The following RABGAP1L variants were observed in gnomAD, a reference collection of about 807,000 sequenced individuals.
RABGAP1L encodes RAB GTPase activating protein 1 like, also known as rab GTPase-activating protein 1-like.
RABGAP1L carries 63 observed loss-of-function variants against 137.7 expected under a neutral mutation model. The ratio of observed to expected loss-of-function variants is 0.46; its 90% CI spans 0.37 to 0.56. The LOEUF is 0.56. RABGAP1L is among the 20% of genes least tolerant of loss of function. The pLI is 0.00. For synonymous variants in RABGAP1L, 431 were observed against 433.7 expected (o/e 0.99, Z 0.08); for missense variants, 1,095 against 1,244.0 (o/e 0.88, Z 1.80).
At chr1:174,408,907 G>A (rs1649588498) in intron 13 of RABGAP1L, among the ~76,000 whole-genome samples, 1 of 152,016 alleles carries the variant, frequency 6.6e-6, no homozygotes, top group South Asian at 2.1e-4. Flanking sequence ...TTTTAATGGT[G>A]TTATTTGTTT....
chr1:174,622,963 T>C lies in RABGAP1L; in HGVS notation c.1711-14412T>C, dbSNP rs549688918. ...TTCTTTGAAGTTTCAGGTGGTACTT[T>C]ATGAAAAGGAATTTCCAAGATCATT... On this transcript the variant is annotated intron_variant, in intron 13 of 25. Coordinates refer to ENST00000681986, the MANE Select transcript of RABGAP1L (RefSeq NM_001366446.1). 2.0e-5 allele frequency among the ~76,000 whole-genome samples: 3 copies of C among 152,334 alleles called. No individual in the cohort carries two copies. In the South Asian group the frequency reaches 6.2e-4, roughly 32 times the overall value.
At chr1:174,318,154 G>A (rs867902841) in intron 11 of RABGAP1L, among the ~76,000 whole-genome samples, 1 of 151,538 alleles carries the variant, frequency 6.6e-6, no homozygotes, top group Non-Finnish European at 1.5e-5. Flanking sequence ...TTCTTTTTCT[G>A]TGTAGATAGT....
At chr1:174,160,790 A>G (rs1322280434) in intron 1 of RABGAP1L, among the ~76,000 whole-genome samples, 1 of 152,176 alleles carries the variant, frequency 6.6e-6, no homozygotes, top group Non-Finnish European at 1.5e-5. Context: ...TTCTTACAGT[A>G]GTGTTTATAT....
chr1:174,990,231 C>A lies in RABGAP1L; in HGVS notation c.*230C>A. The A allele has an allele frequency of 2.2e-6, 1 of 449,170 alleles. No individual in the cohort carries two copies. Among genetic ancestry groups the A allele is most frequent in the Non-Finnish European group, 3.9e-6 (1 of 258,560 alleles). 27.8% of individuals were successfully genotyped at this position (449,170 alleles called of 1,614,324 possible). A position where few individuals can be genotyped will look rare whatever the true frequency, so the allele number is the denominator to read the frequency against. ...GCTTCTGGAAGGCCATGTTCAGATC[C>A]ATCATAGTATTACACATTATTTTGT... is the stretch of plus-strand genomic sequence containing the variant. On this transcript the variant is annotated 3_prime_UTR_variant, in exon 26 of 26. Coordinates refer to ENST00000681986, the MANE Select transcript of RABGAP1L (RefSeq NM_001366446.1).
chr1:174,797,640 GGT>G (rs1360142141), intron 18 of RABGAP1L, among the ~76,000 whole-genome samples: 1 of 126,072 alleles, frequency 7.9e-6, no homozygotes, highest in Non-Finnish European at 1.7e-5. Flanking sequence ...TGTGTGGGGG[GGT>G]GTGTGGGGAG....
intron 13 of RABGAP1L, among the ~76,000 whole-genome samples, chr1:174,528,839 A>G (rs1421117223): frequency 6.6e-6 from 1 of 151,600 alleles, no homozygotes; most frequent in Non-Finnish European, 1.5e-5. Context: ...GGTAATTCAG[A>G]TTTTGGTCAT....
At chr1:174,908,599 A>G (rs1337816779) in intron 19 of RABGAP1L, among the ~76,000 whole-genome samples, 2 of 142,240 alleles carry the variant, frequency 1.4e-5, no homozygotes, top group Non-Finnish European at 3.0e-5. Context: ...CTGGAGTACA[A>G]TGGTGCGATC....
intron 11 of RABGAP1L, among the ~76,000 whole-genome samples, chr1:174,362,875 G>C (rs114149648): frequency 0.017 from 2,603 of 152,160 alleles, 66 homozygotes; most frequent in African/African-American, 0.06. Context: ...CCGATGTCTC[G>C]AATGGTATTG....
chr1:174,808,089 T>C (rs866789814), intron 18 of RABGAP1L, among the ~76,000 whole-genome samples: 8 of 151,300 alleles, frequency 5.3e-5, no homozygotes, highest in African/African-American at 1.7e-4. Context: ...GTTCATGCCA[T>C]TCTCCTGCCT....
At chr1:174,339,175 G>A (rs936798481) in intron 11 of RABGAP1L, among the ~76,000 whole-genome samples, 19 of 151,958 alleles carry the variant, frequency 1.3e-4, no homozygotes, top group African/African-American at 2.7e-4. Flanking sequence ...AAGTTTTAGC[G>A]TATTTCTAGT....
intron 13 of RABGAP1L, among the ~76,000 whole-genome samples, chr1:174,557,849 A>G (rs1054964264): frequency 6.6e-6 from 1 of 152,248 alleles, no homozygotes; most frequent in Non-Finnish European, 1.5e-5. Context: ...TTGATTGAGA[A>G]AGATGATGCG....
At chr1:174,744,984 T>A (rs1008366676) in intron 17 of RABGAP1L, among the ~76,000 whole-genome samples, 58 of 152,280 alleles carry the variant, frequency 3.8e-4, no homozygotes, top group African/African-American at 7.7e-4. Flanking sequence ...TATTTCCAAG[T>A]GAAAAAAAGT....
At chr1:174,885,739 G>C (rs913795333) in intron 19 of RABGAP1L, among the ~76,000 whole-genome samples, 1 of 151,996 alleles carries the variant, frequency 6.6e-6, no homozygotes, top group South Asian at 2.1e-4. Flanking sequence ...AGGCTGAGGC[G>C]AGTGGATCAC....
intron 19 of RABGAP1L, among the ~76,000 whole-genome samples, chr1:174,874,851 A>G (rs1213060091): frequency 6.6e-6 from 1 of 152,170 alleles, no homozygotes; most frequent in Non-Finnish European, 1.5e-5. Context: ...CCACAAATAT[A>G]GTACACTTAA....
intron 11 of RABGAP1L, among the ~76,000 whole-genome samples, chr1:174,361,674 T>C (rs1684155875): frequency 6.6e-6 from 1 of 152,212 alleles, no homozygotes. Flanking sequence ...TAGTGGTTTT[T>C]TTAGTGGAGA....
At chr1:174,367,650 C>T (rs1684766747) in intron 11 of RABGAP1L, 1 of 259,376 alleles carries the variant, frequency 3.9e-6, no homozygotes, top group Non-Finnish European at 7.5e-6. Context: ...CTTTTTAACA[C>T]TGGAAAATAG....
chr1:174,549,227 T>G (rs1305753675), intron 13 of RABGAP1L, among the ~76,000 whole-genome samples: 1 of 152,166 alleles, frequency 6.6e-6, no homozygotes, highest in Non-Finnish European at 1.5e-5. Context: ...ACAGATTACA[T>G]TTTTTCAGTA....
intron 13 of RABGAP1L, among the ~76,000 whole-genome samples, chr1:174,411,848 T>C (rs1234675292): frequency 2.6e-5 from 4 of 152,106 alleles, no homozygotes; most frequent in African/African-American, 7.2e-5. Context: ...TCCAAGAGTA[T>C]GGTTTGTGTG....
chr1:174,275,816 T>G lies in RABGAP1L; in HGVS notation c.1054-17T>G. On this transcript the variant is annotated splice_polypyrimidine_tract_variant and intron_variant, in intron 8 of 25. Transcript: ENST00000681986. ...TTTGATGTCTTTTATCAGTAATTAC[T>G]GTTTGAATTTTTATAGGAATCCATG... The G allele has an allele frequency of 6.3e-7, 1 of 1,585,318 alleles. No individual in the cohort carries two copies. Among genetic ancestry groups the G allele is most frequent in the African/African-American group, 1.3e-5 (1 of 74,394 alleles).
Sources: allele counts gnomAD v4.1 joint callset (sites outside exome capture counted in the v4.1 genomes callset), GRCh38; gene constraint gnomAD v4.1.1; transcripts MANE v1.5; gene names NCBI Gene and HGNC (gene_info 2026-07-23, HGNC 2026-07-21).